The following NTM variants were observed in gnomAD, a reference collection of about 807,000 sequenced individuals.
The protein encoded by NTM is neurotrimin.
Under a neutral mutation model 42.1 loss-of-function variants are expected in NTM, and 13 were observed. That is an observed-to-expected ratio of 0.31 (90% CI 0.20 to 0.49). The LOEUF (loss-of-function observed/expected upper bound fraction) is 0.49. Ranked by LOEUF, NTM falls within the 20% of genes least tolerant of loss-of-function variation. The pLI is 0.99. For missense variants in NTM, 373 were observed against 452.8 expected, an observed-to-expected ratio of 0.82 and a Z score of 1.60; for synonymous variants, 187 against 179.2, an observed-to-expected ratio of 1.04 and a Z score of -0.35.
chr11:131,999,284 C>T (rs1360931987), intron 2 of NTM, among the ~76,000 whole-genome samples: 1 of 152,042 alleles, frequency 6.6e-6, no homozygotes, highest in Non-Finnish European at 1.5e-5. Context: ...GTGGGAGTAC[C>T]ATTCTGAAAA....
chr11:131,617,139 G>T (rs1000962929), intron 1 of NTM, among the ~76,000 whole-genome samples: 1 of 152,018 alleles, frequency 6.6e-6, no homozygotes, highest in Non-Finnish European at 1.5e-5. Context: ...CCGATGTCAG[G>T]GTTCCCTCGG....
intron 1 of NTM, among the ~76,000 whole-genome samples, chr11:131,638,481 G>A (rs561809899): frequency 1.4e-5 from 2 of 147,628 alleles, no homozygotes; most frequent in East Asian, 2.0e-4. Context: ...CAGCAGAATC[G>A]CCTGAACCCA....
intron 3 of NTM, among the ~76,000 whole-genome samples, chr11:132,175,075 G>A (rs776739325): frequency 3.3e-5 from 5 of 152,166 alleles, no homozygotes; most frequent in Non-Finnish European, 7.4e-5. Flanking sequence ...GTGGGAGGCT[G>A]CTGCTTTGCA....
intron 2 of NTM, among the ~76,000 whole-genome samples, chr11:132,015,438 G>T (rs951566132): frequency 6.6e-6 from 1 of 151,638 alleles, no homozygotes; most frequent in Non-Finnish European, 1.5e-5. Context: ...AAATGCCATT[G>T]GTGTTTTCGC....
At chr11:132,021,241 C>T (rs2074279212) in intron 2 of NTM, among the ~76,000 whole-genome samples, 2 of 151,820 alleles carry the variant, frequency 1.3e-5, no homozygotes, top group Admixed American at 1.3e-4. Context: ...CTTTTGTTTC[C>T]TTTGTTAGAC....
intron 1 of NTM, among the ~76,000 whole-genome samples, chr11:131,509,633 T>C (rs1267854738): frequency 6.6e-6 from 1 of 152,200 alleles, no homozygotes; most frequent in Non-Finnish European, 1.5e-5. Context: ...AGACAGTTTA[T>C]CTCCATACGT....
chr11:131,398,137 C>T (rs570962553), intron 1 of NTM, among the ~76,000 whole-genome samples: 5 of 152,186 alleles, frequency 3.3e-5, no homozygotes, highest in East Asian at 1.9e-4. Flanking sequence ...AAGTTAATAA[C>T]GATAAGACCT....
At chr11:131,735,834 A>AGGTG (rs1565483427) in intron 1 of NTM, among the ~76,000 whole-genome samples, 1 of 127,410 alleles carries the variant, frequency 7.8e-6, no homozygotes, top group Admixed American at 7.3e-5. Flanking sequence ...TCCATTCATA[A>AGGTG]GGTGTGTGTG....
intron 2 of NTM, among the ~76,000 whole-genome samples, chr11:132,129,924 T>G (rs2066524572): frequency 6.6e-6 from 1 of 152,216 alleles, no homozygotes; most frequent in African/African-American, 2.4e-5. Context: ...TCTTGTGCAG[T>G]TTTGGTCAGG....
chr11:132,148,080 C>G (rs2070964811), intron 3 of NTM, among the ~76,000 whole-genome samples: 1 of 152,044 alleles, frequency 6.6e-6, no homozygotes, highest in African/African-American at 2.4e-5. Flanking sequence ...TTTGGTCATG[C>G]CAAGTTTTTA....
At chr11:132,273,616 T>C (rs1466599964) in intron 4 of NTM, among the ~76,000 whole-genome samples, 1 of 152,142 alleles carries the variant, frequency 6.6e-6, no homozygotes, top group African/African-American at 2.4e-5. Context: ...ATTTTTAAAA[T>C]ATCTCCTTGG....
intron 1 of NTM, among the ~76,000 whole-genome samples, chr11:131,774,803 C>T (rs903675817): frequency 6.6e-6 from 1 of 152,268 alleles, no homozygotes; most frequent in East Asian, 1.9e-4. Context: ...TGGGCTCTTC[C>T]TAGATGCATG....
At chr11:131,770,586 A>G (rs929167083) in intron 1 of NTM, among the ~76,000 whole-genome samples, 1 of 152,196 alleles carries the variant, frequency 6.6e-6, no homozygotes, top group Non-Finnish European at 1.5e-5. Context: ...AAATTTTTTT[A>G]ATAAGAAATG....
intron 1 of NTM, among the ~76,000 whole-genome samples, chr11:131,678,287 G>A (rs962995036): frequency 6.6e-6 from 1 of 152,248 alleles, no homozygotes; most frequent in Non-Finnish European, 1.5e-5. Context: ...TTTCAGTGGG[G>A]TCTGGTGGCT....
At chr11:131,568,539 G>A (rs2057122039) in intron 1 of NTM, among the ~76,000 whole-genome samples, 1 of 152,178 alleles carries the variant, frequency 6.6e-6, no homozygotes, top group Non-Finnish European at 1.5e-5. Context: ...CCTTTGCATA[G>A]TTTTGATTGG....
At chr11:132,283,279 C>T (rs1035055469) in intron 4 of NTM, among the ~76,000 whole-genome samples, 4 of 152,162 alleles carry the variant, frequency 2.6e-5, no homozygotes, top group African/African-American at 4.8e-5. Context: ...GCCACCGCTC[C>T]GGGTCAACAG....
intron 1 of NTM, among the ~76,000 whole-genome samples, chr11:131,450,735 G>T (rs961374992): frequency 2.3e-4 from 35 of 152,140 alleles, no homozygotes; most frequent in Admixed American, 2.3e-3. Flanking sequence ...TCTTAATAGA[G>T]ATTATAACTT....
intron 1 of NTM, among the ~76,000 whole-genome samples, chr11:131,522,428 T>C (rs146952769): frequency 6.6e-6 from 1 of 151,964 alleles, no homozygotes; most frequent in African/African-American, 2.4e-5. Context: ...AGAAATAAAA[T>C]GGTCTGCTGA....
intron 3 of NTM, among the ~76,000 whole-genome samples, chr11:132,177,943 G>A (rs567242574): frequency 8.5e-5 from 13 of 152,306 alleles, no homozygotes; most frequent in East Asian, 3.9e-4. Flanking sequence ...ATTCACTGTT[G>A]ATTATAAATG....
Sources: gnomAD v4.1 joint callset for allele counts (sites outside exome capture counted in the v4.1 genomes callset) on GRCh38, gnomAD v4.1.1 for gene constraint, MANE v1.5 for transcripts, NCBI Gene and HGNC (gene_info 2026-07-23, HGNC 2026-07-21) for gene names.